The following GABRB3 variants were observed in gnomAD, a reference collection of about 807,000 sequenced individuals.
The protein encoded by GABRB3 is gamma-aminobutyric acid receptor subunit beta-3.
In GABRB3, 14 loss-of-function variants were observed where a neutral mutation model predicts 52.1. That is an observed-to-expected ratio of 0.27 (90% CI 0.18 to 0.42). The LOEUF (loss-of-function observed/expected upper bound fraction) is 0.42, where lower values mean the gene tolerates loss of function less well. GABRB3 is among the 10% of genes least tolerant of loss of function. GABRB3 has a pLI of 1.00. For missense variants in GABRB3, 307 were observed against 609.1 expected, an observed-to-expected ratio of 0.50 and a Z score of 5.22; for synonymous variants, 260 against 232.3, an observed-to-expected ratio of 1.12 and a Z score of -1.08.
chr15:26,732,471 A>G (rs1274001196), intron 3 of GABRB3, among the ~76,000 whole-genome samples: 2 of 152,210 alleles, frequency 1.3e-5, no homozygotes, highest in Admixed American at 6.5e-5. Flanking sequence ...CTTAAAAAAC[A>G]GGGAACAACA....
intron 4 of GABRB3, among the ~76,000 whole-genome samples, chr15:26,609,473 C>T (rs538403868): frequency 2.9e-4 from 44 of 152,208 alleles, no homozygotes; most frequent in Admixed American, 1.0e-3. Flanking sequence ...CAAATCTACT[C>T]GATATAAAAC....
rs553697674 is a variant in GABRB3, at chr15:26,772,832, C to A, written c.80+51G>T. ...CAGGGGCGGCTCAGCCGCCAGCGCCCCGCGCACCCCGCGCCCTGCCCGCCG... is the reference window on the plus strand; with the variant it reads ...CAGGGGCGGCTCAGCCGCCAGCGCCACGCGCACCCCGCGCCCTGCCCGCCG... On this transcript the variant is annotated intron_variant, in intron 1 of 8. Coordinates refer to ENST00000311550, the MANE Select transcript of GABRB3 (RefSeq NM_000814.6). 4.1e-6 allele frequency: 6 copies of A among 1,452,404 alleles called. No individual in the cohort carries two copies. In the East Asian group the frequency reaches 1.5e-4, roughly 36 times the overall value. 90.0% of individuals were successfully genotyped at this position (1,452,404 alleles called of 1,614,324 possible).
intron 3 of GABRB3, among the ~76,000 whole-genome samples, chr15:26,717,208 ACCTCCACTCAATGACAACC>A (rs1889514770): frequency 1.4e-5 from 2 of 143,726 alleles, no homozygotes; most frequent in African/African-American, 5.3e-5. Context: ...AGCTCTGGGG[ACCTCCACTCAATGACAACC>A]TAGCTCTGGG....
intron 3 of GABRB3, among the ~76,000 whole-genome samples, chr15:26,748,788 G>A (rs1357406858): frequency 6.6e-6 from 1 of 151,802 alleles, no homozygotes; most frequent in African/African-American, 2.4e-5. Context: ...TACTTTGGGA[G>A]GCCAAGGTGG....
intron 3 of GABRB3, among the ~76,000 whole-genome samples, chr15:26,648,575 A>G (rs1430382730): frequency 6.6e-6 from 1 of 152,218 alleles, no homozygotes; most frequent in Non-Finnish European, 1.5e-5. Flanking sequence ...CTGAGGAGGA[A>G]CAGTGAGGGA....
intron 3 of GABRB3, among the ~76,000 whole-genome samples, chr15:26,691,280 G>T (rs1220153558): frequency 6.6e-6 from 1 of 152,048 alleles, no homozygotes; most frequent in Non-Finnish European, 1.5e-5. Flanking sequence ...ATGAAGCAAA[G>T]AAATGATTTC....
chr15:26,554,599 C>A (rs1889683710), intron 8 of GABRB3, among the ~76,000 whole-genome samples: 1 of 152,062 alleles, frequency 6.6e-6, no homozygotes, highest in South Asian at 2.1e-4. Flanking sequence ...AAAAAACATA[C>A]CTCTCCAGTG....
At chr15:26,758,442 G>GA (rs1181716737) in intron 3 of GABRB3, among the ~76,000 whole-genome samples, 1 of 152,150 alleles carries the variant, frequency 6.6e-6, no homozygotes, top group Non-Finnish European at 1.5e-5. Flanking sequence ...GATAAAAAGA[G>GA]AAAAAATACT....
chr15:26,738,027 T>G (rs1890108436), intron 3 of GABRB3, among the ~76,000 whole-genome samples: 1 of 152,218 alleles, frequency 6.6e-6, no homozygotes. Flanking sequence ...GCAAAATTTA[T>G]CGACTTTTTG....
chr15:26,561,549 G>A (rs993847618), intron 7 of GABRB3, among the ~76,000 whole-genome samples: 1 of 152,060 alleles, frequency 6.6e-6, no homozygotes, highest in South Asian at 2.1e-4. Context: ...AATAAGCCCA[G>A]AATTTAGCAT....
intron 6 of GABRB3, among the ~76,000 whole-genome samples, chr15:26,571,433 C>T (rs544057071): frequency 5.9e-5 from 9 of 152,304 alleles, no homozygotes; most frequent in Non-Finnish European, 1.5e-5. Context: ...ACTTTTATGT[C>T]AGGAGAACGG....
In GABRB3 at chr15:26,772,907, AC is replaced by A; in HGVS notation, c.55del (p.Val19TrpfsTer10). On this transcript the variant is annotated frameshift_variant, in exon 1 of 9. Transcript: ENST00000311550. LOFTEE classifies it high-confidence loss of function. ...LFGIFSAPVL[V>X]AVVCCAQSVN... is the part of the protein sequence containing the mutation. The stretch of plus-strand genomic sequence containing the variant: ...CCTCTGGGCGCAGCACACCACAGCC[AC>A]CAGCACCGGGGCCGAGAAGATGCCG... The A allele has an allele frequency of 6.7e-7, 1 of 1,499,022 alleles. No homozygotes were observed. The highest frequency in any genetic ancestry group is 8.9e-7 in the Non-Finnish European group (1 of 1,123,426). 92.9% of individuals were successfully genotyped at this position (1,499,022 alleles called of 1,614,324 possible). A position where few individuals can be genotyped will look rare whatever the true frequency, so the allele number is the denominator to read the frequency against.
intron 6 of GABRB3, among the ~76,000 whole-genome samples, chr15:26,576,141 T>C (rs1189044873): frequency 1.3e-5 from 2 of 152,248 alleles, no homozygotes; most frequent in Admixed American, 6.5e-5. Flanking sequence ...CTGAATATGT[T>C]TGTTGAAATA....
upstream of GABRB3, chr15:26,773,185 G>A (rs1038242938): frequency 1.0e-4 from 20 of 196,670 alleles, no homozygotes; most frequent in East Asian, 1.8e-3. Context: ...GAGGAGGCCG[G>A]AGAGTCGGAG....
chr15:26,728,405 A>G (rs11161333), intron 3 of GABRB3, among the ~76,000 whole-genome samples: 136,991 of 151,936 alleles, frequency 0.9, 61,891 homozygotes, highest in East Asian at 1. Context: ...GCACGCACAG[A>G]GTCTTCATGG....
At chr15:26,760,809 G>A (rs10526742) in intron 3 of GABRB3, among the ~76,000 whole-genome samples, 52 of 149,392 alleles carry the variant, frequency 3.5e-4, no homozygotes, top group East Asian at 2.6e-3. Context: ...ACACGCGCAC[G>A]CACACACACA....
chr15:26,580,702 C>A, intron 5 of GABRB3: 1 of 567,362 alleles, frequency 1.8e-6, no homozygotes, highest in South Asian at 1.9e-5. Flanking sequence ...GGTGCTCTGA[C>A]CAGAGTTCTA....
At chr15:26,569,898 ATATT>A (rs1236000741) in intron 6 of GABRB3, among the ~76,000 whole-genome samples, 1 of 152,130 alleles carries the variant, frequency 6.6e-6, no homozygotes, top group Non-Finnish European at 1.5e-5. Context: ...TTTGTTCTCT[ATATT>A]TAATCTTGTA....
chr15:26,591,193 T>C (rs1446177008), intron 4 of GABRB3, among the ~76,000 whole-genome samples: 1 of 152,170 alleles, frequency 6.6e-6, no homozygotes, highest in African/African-American at 2.4e-5. Flanking sequence ...GGGGTTATTG[T>C]ATGCATTGAG....
Sources: allele counts gnomAD v4.1 joint callset (sites outside exome capture counted in the v4.1 genomes callset), GRCh38; gene constraint gnomAD v4.1.1; transcripts MANE v1.5; gene names NCBI Gene and HGNC (gene_info 2026-07-23, HGNC 2026-07-21).